STIM1: variants seen among roughly 807,000 people sequenced by gnomAD.
STIM1 encodes the protein stromal interaction molecule 1.
Under a neutral mutation model 74.7 loss-of-function variants are expected in STIM1, and 25 were observed. The observed-to-expected ratio is 0.33, with a 90% CI of 0.24 to 0.47. The LOEUF (loss-of-function observed/expected upper bound fraction) is 0.47, where lower values mean the gene tolerates loss of function less well. Ranked by LOEUF, STIM1 falls within the 20% of genes least tolerant of loss-of-function variation. The probability of loss-of-function intolerance (pLI) is 1.00; values close to 1 mark genes in which losing one functional copy is unlikely to be tolerated. For missense variants in STIM1, 728 were observed against 920.8 expected (o/e 0.79, Z 2.71); for synonymous variants, 328 against 348.8 (o/e 0.94, Z 0.66).
Position 3,994,006 on chromosome 11 carries a change from TG to T in STIM1, c.270+26331del, listed in dbSNP as rs374107717. ...TTTTGTATGGATTCAAAGTACTATC[TG>T]GGGGGGTCACTTAAAGAGCTTCCTT... On this transcript the variant is annotated intron_variant, in intron 2 of 12. Coordinates refer to ENST00000526596, the MANE Select transcript of STIM1 (RefSeq NM_001382567.1). Among the ~76,000 whole-genome samples, 331 of 152,282 alleles carry T rather than the reference TG, an allele frequency of 2.2e-3. 1 individual carries two copies. Among genetic ancestry groups the T allele is most frequent in the African/African-American group, 7.4e-3 (308 of 41,542 alleles).
chr11:4,063,254 GAGACTT>G (rs1244014833), intron 5 of STIM1, among the ~76,000 whole-genome samples: 1 of 152,198 alleles, frequency 6.6e-6, no homozygotes, highest in Non-Finnish European at 1.5e-5. Context: ...TTTTAAGAGA[GAGACTT>G]AGAATTTTAG....
At chr11:3,956,366 A>C (rs1362829615) in intron 1 of STIM1, among the ~76,000 whole-genome samples, 7 of 152,152 alleles carry the variant, frequency 4.6e-5, no homozygotes, top group Non-Finnish European at 1.0e-4. Context: ...GTGAGGTGTC[A>C]AGGCTTCTGA....
chr11:3,977,814 A>G (rs551881423), intron 2 of STIM1, among the ~76,000 whole-genome samples: 17 of 152,134 alleles, frequency 1.1e-4, no homozygotes, highest in Admixed American at 2.0e-4. Flanking sequence ...ATGTATGTAA[A>G]GCCCCTAGCA....
At chr11:3,881,743 G>C (rs2091511469) in intron 1 of STIM1, among the ~76,000 whole-genome samples, 1 of 152,052 alleles carries the variant, frequency 6.6e-6, no homozygotes, top group South Asian at 2.1e-4. Flanking sequence ...GAGTGCAGTG[G>C]TGTGCTTTCT....
At chr11:3,862,797 T>G (rs1035680399) in intron 1 of STIM1, among the ~76,000 whole-genome samples, 1 of 151,956 alleles carries the variant, frequency 6.6e-6, no homozygotes, top group Non-Finnish European at 1.5e-5. Context: ...AACTGAGGTC[T>G]GGGGGTAAAA....
chr11:3,893,397 A>G (rs1218909182), intron 1 of STIM1, among the ~76,000 whole-genome samples: 1 of 152,218 alleles, frequency 6.6e-6, no homozygotes, highest in Non-Finnish European at 1.5e-5. Context: ...TTTGGTTTCA[A>G]TTATACAAGT....
chr11:3,867,842 TGGCA>T (rs989812350), intron 1 of STIM1, among the ~76,000 whole-genome samples: 7 of 130,868 alleles, frequency 5.3e-5, no homozygotes, highest in South Asian at 2.2e-4. Flanking sequence ...GAAATCTCAC[TGGCA>T]GGCAGGCAGG....
chr11:3,899,030 T>A (rs940583800), intron 1 of STIM1, among the ~76,000 whole-genome samples: 1 of 152,128 alleles, frequency 6.6e-6, no homozygotes, highest in Non-Finnish European at 1.5e-5. Context: ...AACTTTAAAG[T>A]AGTTTTTTCC....
At chr11:3,959,960 C>T (rs1156305772) in intron 1 of STIM1, among the ~76,000 whole-genome samples, 3 of 152,070 alleles carry the variant, frequency 2.0e-5, no homozygotes, top group Non-Finnish European at 4.4e-5. Flanking sequence ...CACACACTGT[C>T]AGTTAAAAAA....
intron 7 of STIM1, among the ~76,000 whole-genome samples, chr11:4,080,664 C>T (rs1032118430): frequency 1.3e-5 from 2 of 152,052 alleles, no homozygotes; most frequent in African/African-American, 4.8e-5. Flanking sequence ...TGAGGTCTCG[C>T]TGTGTTGCTC....
chr11:4,071,605 G>T (rs1174348849), intron 6 of STIM1, among the ~76,000 whole-genome samples: 5 of 152,184 alleles, frequency 3.3e-5, no homozygotes, highest in Admixed American at 2.6e-4. Flanking sequence ...CTCCCAAAGT[G>T]CTGGGATTAC....
chr11:3,932,909 G>C (rs912812678), intron 1 of STIM1, among the ~76,000 whole-genome samples: 9 of 152,164 alleles, frequency 5.9e-5, no homozygotes, highest in African/African-American at 2.2e-4. Flanking sequence ...AATGGACTAA[G>C]ACAGGCTCCT....
intron 2 of STIM1, among the ~76,000 whole-genome samples, chr11:3,994,595 G>A: frequency 6.6e-6 from 1 of 151,724 alleles, no homozygotes; most frequent in Non-Finnish European, 1.5e-5. Flanking sequence ...AAGTAGCTGG[G>A]ATCGCAGGCG....
intron 1 of STIM1, among the ~76,000 whole-genome samples, chr11:3,929,537 T>G (rs1402929657): frequency 1.3e-5 from 2 of 152,156 alleles, no homozygotes; most frequent in Admixed American, 1.3e-4. Context: ...TAGAACACAG[T>G]GCTTTAGACT....
intron 1 of STIM1, among the ~76,000 whole-genome samples, chr11:3,869,212 G>A (rs1161792368): frequency 1.3e-5 from 2 of 152,110 alleles, no homozygotes; most frequent in African/African-American, 4.8e-5. Flanking sequence ...CTCGTGATCC[G>A]CCCGCCTCCA....
chr11:4,050,335 G>T (rs2094229511), intron 3 of STIM1, among the ~76,000 whole-genome samples: 1 of 152,160 alleles, frequency 6.6e-6, no homozygotes, highest in Non-Finnish European at 1.5e-5. Flanking sequence ...CACCAAAAAG[G>T]GAAGTGGATG....
intron 1 of STIM1, among the ~76,000 whole-genome samples, chr11:3,895,434 T>G (rs925933111): frequency 1.3e-5 from 2 of 152,146 alleles, no homozygotes; most frequent in African/African-American, 4.8e-5. Flanking sequence ...TGACAAAAAT[T>G]CCTTCCATCT....
At chr11:4,010,136 T>C (rs1476831278) in intron 2 of STIM1, among the ~76,000 whole-genome samples, 1 of 151,634 alleles carries the variant, frequency 6.6e-6, no homozygotes, top group African/African-American at 2.4e-5. Context: ...GTTTAAAAGA[T>C]AGCCTGAGAA....
Position 3,855,956 on chromosome 11 carries a change from G to T in STIM1, c.-315G>T, listed in dbSNP as rs911616304. ...ACTCCGGCCGCCCCCTTCCGCAGGG[G>T]TGTAGTAATCTGCGGAGCTGACAGC... On this transcript the variant is annotated 5_prime_UTR_variant, in exon 1 of 13. Transcript: ENST00000526596. The T allele has an allele frequency of 9.5e-6, 4 of 420,186 alleles. No individual in the cohort carries two copies. Among genetic ancestry groups the T allele is most frequent in the African/African-American group, 4.0e-5 (2 of 49,504 alleles). 26.0% of individuals were successfully genotyped at this position (420,186 alleles called of 1,614,324 possible).
Sources: allele counts gnomAD v4.1 joint callset (sites outside exome capture counted in the v4.1 genomes callset), GRCh38; gene constraint gnomAD v4.1.1; transcripts MANE v1.5; gene names NCBI Gene and HGNC (gene_info 2026-07-23, HGNC 2026-07-21).